ZNF827: variants seen among roughly 807,000 people sequenced by gnomAD.
The protein encoded by ZNF827 is zinc finger protein 827.
ZNF827 carries 13 observed loss-of-function variants against 102.4 expected under a neutral mutation model. That is an observed-to-expected ratio of 0.13 (90% CI 0.08 to 0.20). The LOEUF (loss-of-function observed/expected upper bound fraction) is 0.20. Among genes scored for constraint, ZNF827 ranks in the 10% least tolerant of loss-of-function variants. The pLI is 1.00. For missense variants in ZNF827, 1,103 were observed against 1,344.4 expected (o/e 0.82, Z 2.81); for synonymous variants, 523 against 536.2 (o/e 0.98, Z 0.34).
chr4:145,782,596 A>C (rs1310950002), intron 8 of ZNF827, among the ~76,000 whole-genome samples: 1 of 152,162 alleles, frequency 6.6e-6, no homozygotes, highest in African/African-American at 2.4e-5. Context: ...AAAGCCTCCA[A>C]AACAGGTTCT....
chr4:145,803,476 T>G (rs1262989447), intron 8 of ZNF827, among the ~76,000 whole-genome samples: 2 of 152,154 alleles, frequency 1.3e-5, no homozygotes, highest in East Asian at 3.8e-4. Flanking sequence ...TCTTAGTTCT[T>G]CAATTGCACA....
chr4:145,855,736 A>C (rs1028794797), intron 5 of ZNF827, among the ~76,000 whole-genome samples: 1 of 152,210 alleles, frequency 6.6e-6, no homozygotes, highest in African/African-American at 2.4e-5. Context: ...GAAGTCTGAA[A>C]TTACATGTTT....
intron 8 of ZNF827, among the ~76,000 whole-genome samples, chr4:145,799,367 C>T (rs1740668573): frequency 6.6e-6 from 1 of 152,114 alleles, no homozygotes; most frequent in Non-Finnish European, 1.5e-5. Context: ...TAATCCTCAC[C>T]ATAAGCCTAT....
At chr4:145,875,677 CAG>C (rs892358857) in intron 4 of ZNF827, among the ~76,000 whole-genome samples, 3 of 152,116 alleles carry the variant, frequency 2.0e-5, no homozygotes, top group African/African-American at 7.2e-5. Flanking sequence ...CTTAATAAGA[CAG>C]AACTCTCCTT....
chr4:145,774,897 C>A (rs1188490373), intron 10 of ZNF827, among the ~76,000 whole-genome samples: 1 of 152,228 alleles, frequency 6.6e-6, no homozygotes, highest in Non-Finnish European at 1.5e-5. Flanking sequence ...GTAACAATCA[C>A]ATATGTGTTA....
chr4:145,827,812 A>G (rs1743834189), intron 7 of ZNF827, among the ~76,000 whole-genome samples: 1 of 152,268 alleles, frequency 6.6e-6, no homozygotes, highest in Non-Finnish European at 1.5e-5. Context: ...CAAGGAACTA[A>G]GAAAACAGAA....
chr4:145,938,005 C>T (rs1754353680), intron 1 of ZNF827, among the ~76,000 whole-genome samples: 1 of 150,156 alleles, frequency 6.7e-6, no homozygotes, highest in Admixed American at 6.6e-5. Flanking sequence ...CCGATAAAAC[C>T]CCCGGCATCC....
intron 9 of ZNF827, among the ~76,000 whole-genome samples, chr4:145,777,144 T>C (rs757185922): frequency 3.3e-5 from 5 of 152,246 alleles, no homozygotes; most frequent in Non-Finnish European, 7.3e-5. Flanking sequence ...ATTATTGTTA[T>C]AGGTGGTCCC....
intron 5 of ZNF827, among the ~76,000 whole-genome samples, chr4:145,855,611 A>G (rs933435385): frequency 7.2e-5 from 11 of 152,220 alleles, no homozygotes; most frequent in African/African-American, 2.7e-4. Flanking sequence ...TTCCAAAACC[A>G]CAATGGAATG....
chr4:145,788,262 C>T (rs1452125733), intron 8 of ZNF827, among the ~76,000 whole-genome samples: 1 of 152,096 alleles, frequency 6.6e-6, no homozygotes, highest in South Asian at 2.1e-4. Context: ...TTATGCAGGT[C>T]ATATTAAATC....
intron 1 of ZNF827, among the ~76,000 whole-genome samples, chr4:145,904,635 G>A (rs1409295133): frequency 6.6e-6 from 1 of 152,214 alleles, no homozygotes; most frequent in East Asian, 1.9e-4. Flanking sequence ...TGCAGTGAGT[G>A]AGGTCAGAGC....
At chr4:145,887,295 C>T (rs1387641695) in intron 3 of ZNF827, among the ~76,000 whole-genome samples, 2 of 152,158 alleles carry the variant, frequency 1.3e-5, no homozygotes, top group Non-Finnish European at 2.9e-5. Context: ...CGCTGCACCA[C>T]CTGGCCCCTC....
chr4:145,859,199 G>A (rs1469048508), intron 5 of ZNF827, among the ~76,000 whole-genome samples: 8 of 152,136 alleles, frequency 5.3e-5, no homozygotes, highest in Non-Finnish European at 8.8e-5. Flanking sequence ...AGATGGGGTA[G>A]GAAGGGAACG....
intron 8 of ZNF827, among the ~76,000 whole-genome samples, chr4:145,797,058 G>A (rs183403428): frequency 1.3e-5 from 2 of 152,230 alleles, no homozygotes; most frequent in African/African-American, 2.4e-5. Flanking sequence ...GTGGGCGGTC[G>A]GGGGGCTTCC....
chr4:145,922,872 G>C (rs933258791), intron 1 of ZNF827, among the ~76,000 whole-genome samples: 1 of 152,160 alleles, frequency 6.6e-6, no homozygotes, highest in African/African-American at 2.4e-5. Flanking sequence ...TAAAATTCAA[G>C]CTTTCAAACA....
chr4:145,850,124 C>G lies in ZNF827; in HGVS notation c.1982-563G>C, dbSNP rs554644554. ...TCCCAGGTTTAAGAGATTCTCCTGC[C>G]TCAGCCTCCCGAGTAGCTGGGACTA... is the stretch of plus-strand genomic sequence containing the variant. On this transcript the variant is annotated intron_variant, in intron 5 of 14. Coordinates refer to ENST00000508784, the MANE Select transcript of ZNF827 (RefSeq NM_001306215.2). Among the ~76,000 whole-genome samples the G allele has an allele frequency of 2.6e-5, 4 of 152,098 alleles. No individual in the cohort carries two copies. The South Asian group carries it at 8.3e-4, about 32-fold the overall frequency.
At chr4:145,818,222 A>G (rs918167879) in intron 8 of ZNF827, among the ~76,000 whole-genome samples, 1 of 152,240 alleles carries the variant, frequency 6.6e-6, no homozygotes, top group Non-Finnish European at 1.5e-5. Context: ...GTCTGGTGAC[A>G]TATTATCTGA....
At chr4:145,846,861 A>G (rs1560992564) in intron 6 of ZNF827, among the ~76,000 whole-genome samples, 1 of 145,238 alleles carries the variant, frequency 6.9e-6, no homozygotes, top group Non-Finnish European at 1.5e-5. Flanking sequence ...ACAAAAAACA[A>G]CCATCACTCA....
intron 7 of ZNF827, among the ~76,000 whole-genome samples, chr4:145,824,281 C>T (rs76095491): frequency 0.042 from 6,342 of 152,272 alleles, 275 homozygotes; most frequent in East Asian, 0.15. Context: ...AGAACTCTAA[C>T]TCGGTCACAG....
Sources: gnomAD v4.1 joint callset for allele counts (sites outside exome capture counted in the v4.1 genomes callset) on GRCh38, gnomAD v4.1.1 for gene constraint, MANE v1.5 for transcripts, NCBI Gene and HGNC (gene_info 2026-07-23, HGNC 2026-07-21) for gene names.